The following WNT8B variants were observed in gnomAD, a reference collection of about 807,000 sequenced individuals.
The protein encoded by WNT8B is protein Wnt-8b.
WNT8B carries 24 observed loss-of-function variants against 36.6 expected under a neutral mutation model. The observed-to-expected ratio is 0.66, with a 90% CI of 0.48 to 0.92. The LOEUF (loss-of-function observed/expected upper bound fraction) is 0.92. WNT8B is among the 40% of genes least tolerant of loss of function. WNT8B has a pLI of 0.00. For synonymous variants in WNT8B, 199 were observed against 189.8 expected (o/e 1.05, Z -0.40); for missense variants, 402 against 470.8 (o/e 0.85, Z 1.35).
At position 100,481,104 on chromosome 10, in the gene WNT8B, C is replaced by G; in HGVS notation, c.348C>G (p.Asp116Glu). The change falls in exon 4 of 6, where the codon GAC becomes GAG. Residue 116 changes from aspartate to glutamate, a missense_variant. By Grantham distance (45) the Asp-to-Glu change is conservative. Around this residue, in one of 3 missense-constraint regions of WNT8B, gnomAD observed 131 missense variants for 152.6 expected, o/e 0.86. Transcript: ENST00000343737. ...LGDFDNCGCD[D>E]SRNGQLGGQG... ...ATTTTGATAACTGTGGCTGTGATGA[C>G]TCCCGCAACGGGCAACTGGGTGAGT... 2 of 1,614,044 alleles carry G rather than the reference C, an allele frequency of 1.2e-6. No individual in the cohort carries two copies. The highest frequency in any genetic ancestry group is 8.5e-7 in the Non-Finnish European group (1 of 1,179,996).
chr10:100,474,689 TGAG>T (rs968902715), intron 1 of WNT8B, among the ~76,000 whole-genome samples: 1 of 151,968 alleles, frequency 6.6e-6, no homozygotes. Flanking sequence ...CTCAGCCTCC[TGAG>T]TAGCTGGGAT....
intron 1 of WNT8B, among the ~76,000 whole-genome samples, chr10:100,476,139 A>AAAAAAAAAATC (rs979229651): frequency 1.3e-5 from 2 of 152,088 alleles, no homozygotes; most frequent in Non-Finnish European, 2.9e-5. Flanking sequence ...AAAATACAAA[A>AAAAAAAAAATC]AAAAAAAAAT....
At chr10:100,476,871 C>T (rs951850747) in intron 1 of WNT8B, among the ~76,000 whole-genome samples, 4 of 152,202 alleles carry the variant, frequency 2.6e-5, no homozygotes, top group African/African-American at 7.2e-5. Flanking sequence ...AACGTTAGTA[C>T]GATATCCATG....
At chr10:100,477,575 A>AG (rs1298875550) in intron 1 of WNT8B, among the ~76,000 whole-genome samples, 5 of 152,124 alleles carry the variant, frequency 3.3e-5, no homozygotes, top group Admixed American at 6.5e-5. Context: ...CTAGGATTAC[A>AG]GGCGTGAGCC....
In WNT8B at chr10:100,482,604, T is replaced by C. The variant is rs1269005605; in HGVS notation, c.844T>C (p.Trp282Arg). The C allele has an allele frequency of 6.3e-7, 1 of 1,598,718 alleles. No homozygotes were observed. Among genetic ancestry groups the C allele is most frequent in the Non-Finnish European group, 8.5e-7 (1 of 1,177,204 alleles). Reference protein sequence around the residue: ...CLRRGRALGRWERRSCRRLCG... With the variant: ...CLRRGRALGRRERRSCRRLCG... ...AAGGCGCGGGCGGGCCCTGGGTCGC[T>C]GGGAACGCCGCAGCTGCCGCCGGCT... is the stretch of plus-strand genomic sequence containing the variant. The change falls in exon 6 of 6, where the codon TGG (tryptophan) becomes CGG (arginine). Residue 282 changes from tryptophan to arginine, a missense_variant. Trp to Arg is a moderately radical substitution (Grantham distance 101). Transcript: ENST00000343737. The surrounding 1 kb of genome is among the most constrained non-coding windows in gnomAD (Gnocchi z 6.6).
intron 1 of WNT8B, among the ~76,000 whole-genome samples, chr10:100,476,405 C>A (rs1205535748): frequency 1.3e-5 from 2 of 152,112 alleles, no homozygotes; most frequent in Non-Finnish European, 2.9e-5. Flanking sequence ...CATATGGCAG[C>A]CTCTTAGTTT....
rs1851138574 is a variant in WNT8B, at chr10:100,482,873, G to A, written c.*57G>A. The A allele has an allele frequency of 7.0e-7, 1 of 1,432,918 alleles. No homozygotes were observed. The highest frequency in any genetic ancestry group is 9.2e-7 in the Non-Finnish European group (1 of 1,088,980). The allele number at this position is 1,432,918 out of a possible 1,614,324, so 88.8% of individuals were successfully genotyped here. On this transcript the variant is annotated 3_prime_UTR_variant, in exon 6 of 6. Coordinates refer to ENST00000343737, the MANE Select transcript of WNT8B (RefSeq NM_003393.4). This position sits in a 1 kb window ranked among gnomAD's most constrained non-coding sequence, Gnocchi z 6.6. ...GTTCTTGGCTTCCTTTAGAGACCCC[G>A]GTAATTGTGGAACCTAGGGAATGGG... is the stretch of plus-strand genomic sequence containing the variant.
At chr10:100,470,582 G>A (rs1850965278) in intron 1 of WNT8B, among the ~76,000 whole-genome samples, 2 of 151,958 alleles carry the variant, frequency 1.3e-5, no homozygotes, top group African/African-American at 2.4e-5. Flanking sequence ...AAAGGTTGGG[G>A]AGAAGCCAGA....
In WNT8B at chr10:100,479,974, G is replaced by C; in HGVS notation, c.203G>C (p.Arg68Thr). The change falls in exon 3 of 6, where the codon AGA becomes ACA. Residue 68 changes from arginine to threonine, a missense_variant. Arg to Thr is a moderately conservative substitution (Grantham distance 71). Coordinates refer to ENST00000343737, the MANE Select transcript of WNT8B (RefSeq NM_003393.4). Reference sequence around the variant, plus strand: ...TGGGACCGCTGGAACTGCCCTGAGAGAGCCCTGCAGCTGTCCAGCCATGGT... The same window carrying C: ...TGGGACCGCTGGAACTGCCCTGAGACAGCCCTGCAGCTGTCCAGCCATGGT... ...FAWDRWNCPE[R>T]ALQLSSHGGL... 6.2e-7 allele frequency: 1 copy of C among 1,613,872 alleles called. No individual in the cohort carries two copies. The highest frequency in any genetic ancestry group is 8.5e-7 in the Non-Finnish European group (1 of 1,179,900).
Position 100,481,931 on chromosome 10 carries a change from G to C in WNT8B, c.387G>C (p.Trp129Cys). Reference sequence around the variant, plus strand: ...TTCCAGGGGGACAAGGCTGGCTGTGGGGAGGCTGCAGTGACAATGTGGGCT... The same window carrying C: ...TTCCAGGGGGACAAGGCTGGCTGTGCGGAGGCTGCAGTGACAATGTGGGCT... ...NGQLGGQGWL[W>C]GGCSDNVGFG... Residue 129 changes from tryptophan to cysteine, a missense_variant, in exon 5 of 6, where the codon TGG becomes TGC. Trp to Cys is a radical substitution (Grantham distance 215). Around this residue, in one of 3 missense-constraint regions of WNT8B, gnomAD observed 15 missense variants for 39.6 expected, o/e 0.38. Coordinates refer to ENST00000343737, the MANE Select transcript of WNT8B (RefSeq NM_003393.4). 2.5e-6 allele frequency: 4 copies of C among 1,614,140 alleles called. No homozygotes were observed. Among genetic ancestry groups the C allele is most frequent in the Non-Finnish European group, 2.5e-6 (3 of 1,180,034 alleles).
At chr10:100,478,583 T>G (rs9420784) in intron 1 of WNT8B, among the ~76,000 whole-genome samples, 1,796 of 149,142 alleles carry the variant, frequency 0.012, 37 homozygotes, top group African/African-American at 0.04. Context: ...GTGTGTGTGT[T>G]TTTTTTTTTT....
At chr10:100,471,980 A>C (rs1371307370) in intron 1 of WNT8B, among the ~76,000 whole-genome samples, 1 of 151,914 alleles carries the variant, frequency 6.6e-6, no homozygotes, top group Non-Finnish European at 1.5e-5. Context: ...AGATCACTTG[A>C]GGTCAGGAGT....
Position 100,482,324 on chromosome 10 carries a change from C to A in WNT8B, c.564C>A (p.Ser188Arg). The change falls in exon 6 of 6, where the codon AGC (serine) becomes AGA (arginine). Residue 188 changes from serine to arginine, a missense_variant. By Grantham distance (110) the Ser-to-Arg change is moderately radical. Coordinates refer to ENST00000343737, the MANE Select transcript of WNT8B (RefSeq NM_003393.4). The surrounding 1 kb of genome is among the most constrained non-coding windows in gnomAD (Gnocchi z 6.6). ...RTCKCHGVSG[S>R]CTTQTCWLQL... Reference sequence around the variant, plus strand: ...GCAAGTGCCACGGCGTGTCTGGCAGCTGCACCACGCAGACCTGTTGGCTGC... The same window carrying A: ...GCAAGTGCCACGGCGTGTCTGGCAGATGCACCACGCAGACCTGTTGGCTGC... 1 of 1,601,028 alleles carries A rather than the reference C, an allele frequency of 6.2e-7. No individual in the cohort carries two copies. Among genetic ancestry groups the A allele is most frequent in the South Asian group, 1.1e-5 (1 of 90,942 alleles).
chr10:100,480,728 C>A (rs998691774), intron 3 of WNT8B, among the ~76,000 whole-genome samples: 6 of 152,056 alleles, frequency 3.9e-5, no homozygotes, highest in Non-Finnish European at 4.4e-5. Flanking sequence ...GATGGGAAGG[C>A]CAGGCACAGT....
At chr10:100,468,501 G>A (rs1014099063) in intron 1 of WNT8B, among the ~76,000 whole-genome samples, 3 of 152,238 alleles carry the variant, frequency 2.0e-5, no homozygotes, top group South Asian at 2.1e-4. Flanking sequence ...ATGGTGGCTT[G>A]AGCTGTTCCT....
At chr10:100,478,910 G>GCA (rs959403604) in intron 1 of WNT8B, 142 bp from the exon 2 acceptor site, 46 of 701,834 alleles carry the variant, frequency 6.6e-5, no homozygotes, top group Non-Finnish European at 9.8e-5. Flanking sequence ...GGTTTGTTAT[G>GCA]CACAGTGTTT....
At chr10:100,478,624 C>G (rs1385515182) in intron 1 of WNT8B, among the ~76,000 whole-genome samples, 1 of 151,988 alleles carries the variant, frequency 6.6e-6, no homozygotes, top group African/African-American at 2.4e-5. Context: ...CTCTGCCGCC[C>G]AGGCTGGAGT....
intron 1 of WNT8B, among the ~76,000 whole-genome samples, chr10:100,475,379 A>G (rs191086725): frequency 6.6e-6 from 1 of 152,328 alleles, no homozygotes; most frequent in Non-Finnish European, 1.5e-5. Flanking sequence ...AACAACAAAA[A>G]AAACAAAAAC....
rs1186867794 is a variant in WNT8B at position 100,482,800 on chromosome 10, C to G, written c.1040C>G (p.Pro347Arg). Residue 347 changes from proline to arginine, a missense_variant, in exon 6 of 6, where the codon CCC becomes CGC. Transcript: ENST00000343737. The surrounding 1 kb of genome is among the most constrained non-coding windows in gnomAD (Gnocchi z 6.6). ...CCGCGGGGGGGCGCTGCGCACAAAC[C>G]CGGGAGAAAACCCTAAGGGTTTCCT... is the stretch of plus-strand genomic sequence containing the variant. ...ERPRGGAAHK[P>R]GRKP 9 of 1,576,594 alleles carry G rather than the reference C, an allele frequency of 5.7e-6. No homozygotes were observed. The highest frequency in any genetic ancestry group is 7.8e-6 in the Non-Finnish European group (9 of 1,160,112).
Sources: allele counts gnomAD v4.1 joint callset (sites outside exome capture counted in the v4.1 genomes callset), GRCh38; gene constraint gnomAD v4.1.1; regional missense constraint gnomAD v4.1.1; non-coding constraint Gnocchi (gnomAD v3.1); transcripts MANE v1.5; gene names NCBI Gene and HGNC (gene_info 2026-07-23, HGNC 2026-07-21).